Variants in DPH6 observed in about 807,000 individuals in gnomAD.
DPH6 encodes the protein diphthamine biosynthesis 6.
DPH6 carries 33 observed loss-of-function variants against 38.2 expected under a neutral mutation model. That is an observed-to-expected ratio of 0.86 (90% CI 0.65 to 1.15). The LOEUF (loss-of-function observed/expected upper bound fraction) is 1.15, where lower values mean the gene tolerates loss of function less well. DPH6 is among the 50% of genes most tolerant of loss of function. The pLI, the probability that DPH6 is intolerant of heterozygous loss-of-function variation, is 0.00. For synonymous variants in DPH6, 108 were observed against 103.0 expected, an observed-to-expected ratio of 1.05 and a Z score of -0.30; for missense variants, 325 against 320.0, an observed-to-expected ratio of 1.02 and a Z score of -0.12.
At chr15:35,542,213 T>C (rs1481928909) in intron 2 of DPH6, among the ~76,000 whole-genome samples, 200 bp downstream of exon 2, 2 of 152,110 alleles carry the variant, frequency 1.3e-5, no homozygotes, top group African/African-American at 2.4e-5. Flanking sequence ...ATAGTGCATC[T>C]CTATAGAAGT....
intron 3 of DPH6, among the ~76,000 whole-genome samples, chr15:35,349,090 A>C (rs960872023): frequency 6.6e-6 from 1 of 152,116 alleles, no homozygotes; most frequent in Admixed American, 6.5e-5. Flanking sequence ...ATATAAGATT[A>C]TGTCATTTGT....
intron 5 of DPH6, among the ~76,000 whole-genome samples, chr15:35,431,842 C>A (rs2053636103): frequency 1.3e-5 from 2 of 151,976 alleles, no homozygotes; most frequent in East Asian, 1.9e-4. Context: ...GGCTGGAGTG[C>A]AGTGGCGCAA....
downstream of DPH6, among the ~76,000 whole-genome samples, chr15:35,327,154 T>A (rs1419842742): frequency 6.7e-6 from 1 of 148,326 alleles, no homozygotes; most frequent in Admixed American, 6.7e-5. Context: ...AAATCTTGTA[T>A]TCTGCAATCT....
chr15:35,237,508 G>T, intron 3 of DPH6: 8 of 1,563,424 alleles, frequency 5.1e-6, no homozygotes, highest in Non-Finnish European at 7.0e-6. Context: ...CAAACTTACC[G>T]AAGTTAAACA....
intron 3 of DPH6, chr15:35,238,313 C>A: frequency 3.1e-6 from 1 of 321,416 alleles, no homozygotes; most frequent in Non-Finnish European, 5.8e-6. Context: ...GTCTTGCTGT[C>A]AGGAACAGTA....
downstream of DPH6, among the ~76,000 whole-genome samples, chr15:35,368,994 G>T (rs924529075): frequency 1.3e-5 from 2 of 151,640 alleles, no homozygotes; most frequent in African/African-American, 4.8e-5. Flanking sequence ...GAAAAGAATG[G>T]ACCTATAAAA....
the DPH6 span, among the ~76,000 whole-genome samples, chr15:35,210,624 C>T: frequency 6.6e-6 from 1 of 152,188 alleles, no homozygotes; most frequent in Admixed American, 6.5e-5. Context: ...ACATGCTGGG[C>T]CTTAAAAGAA....
At chr15:35,490,737 C>T (rs763128819) in intron 3 of DPH6, among the ~76,000 whole-genome samples, 3 of 152,084 alleles carry the variant, frequency 2.0e-5, no homozygotes, top group South Asian at 2.1e-4. Context: ...TGATGTCTGA[C>T]GAAAGCCACA....
intron 7 of DPH6, among the ~76,000 whole-genome samples, chr15:35,378,521 T>C (rs2052813298): frequency 6.6e-6 from 1 of 152,154 alleles, no homozygotes; most frequent in African/African-American, 2.4e-5. Flanking sequence ...TAAAGACACA[T>C]GCACATGTAT....
chr15:35,361,100 T>C (rs1595500362), intron 3 of DPH6, among the ~76,000 whole-genome samples: 3 of 152,228 alleles, frequency 2.0e-5, no homozygotes, highest in East Asian at 1.9e-4. Context: ...AGACCAAGCG[T>C]GTCCGGAACT....
intron 3 of DPH6, among the ~76,000 whole-genome samples, chr15:35,272,905 TAA>T (rs1194919921): frequency 2.9e-5 from 4 of 138,800 alleles, no homozygotes; most frequent in Admixed American, 7.3e-5. Flanking sequence ...AGACCCCATC[TAA>T]AAAAAAAAAA....
intron 6 of DPH6, among the ~76,000 whole-genome samples, chr15:35,391,849 C>G (rs1040979523): frequency 2.6e-5 from 4 of 152,214 alleles, no homozygotes; most frequent in African/African-American, 9.6e-5. Flanking sequence ...ACCCACTGTC[C>G]TGCACCCGCT....
intron 3 of DPH6, among the ~76,000 whole-genome samples, chr15:35,483,106 G>GC (rs2054348710): frequency 6.6e-6 from 1 of 151,884 alleles, no homozygotes. Context: ...AAAAAATACA[G>GC]ATGAATGGCC....
At chr15:35,203,521 G>T in the DPH6 span, among the ~76,000 whole-genome samples, 1 of 151,608 alleles carries the variant, frequency 6.6e-6, no homozygotes, top group African/African-American at 2.4e-5. Context: ...TGAATGTACC[G>T]TATGTTCTCA....
chr15:35,532,252 C>T (rs1459057176), intron 3 of DPH6, among the ~76,000 whole-genome samples: 1 of 152,164 alleles, frequency 6.6e-6, no homozygotes, highest in Non-Finnish European at 1.5e-5. Context: ...TGTGTTTGGA[C>T]TATATCTTAA....
chr15:35,199,104 G>A, the DPH6 span, among the ~76,000 whole-genome samples: 4 of 152,198 alleles, frequency 2.6e-5, no homozygotes, highest in South Asian at 2.1e-4. Flanking sequence ...ATTTTTAGGA[G>A]AGATGGGGTT....
At chr15:35,208,888 A>G in the DPH6 span, among the ~76,000 whole-genome samples, 1 of 152,142 alleles carries the variant, frequency 6.6e-6, no homozygotes, top group Admixed American at 6.6e-5. Flanking sequence ...TGATTCTAAT[A>G]AAATTAAATT....
At chr15:35,196,047 C>T in the DPH6 span, among the ~76,000 whole-genome samples, 2 of 152,188 alleles carry the variant, frequency 1.3e-5, no homozygotes, top group African/African-American at 4.8e-5. Context: ...AAATGCAAGT[C>T]TTGATAAAAT....
the DPH6 span, among the ~76,000 whole-genome samples, chr15:35,165,855 T>C: frequency 6.6e-6 from 1 of 151,976 alleles, no homozygotes. Context: ...ATACAAGATT[T>C]AGAAAGTTTT....
Sources: gnomAD v4.1 joint callset for allele counts (sites outside exome capture counted in the v4.1 genomes callset) on GRCh38, gnomAD v4.1.1 for gene constraint, MANE v1.5 for transcripts, NCBI Gene and HGNC (gene_info 2026-07-23, HGNC 2026-07-21) for gene names.